Variants in ARHGEF37 observed in about 807,000 individuals in gnomAD.
The protein encoded by ARHGEF37 is Rho guanine nucleotide exchange factor (GEF) 37.
A neutral mutation model predicts 71.1 loss-of-function variants in ARHGEF37; 55 were observed. That is an observed-to-expected ratio of 0.77 (90% confidence interval 0.62 to 0.97). The LOEUF (loss-of-function observed/expected upper bound fraction) is 0.97. Among genes scored for constraint, ARHGEF37 ranks in the 50% least tolerant of loss-of-function variants. The pLI is 0.00. For synonymous variants in ARHGEF37, 327 were observed against 350.6 expected, an observed-to-expected ratio of 0.93 and a Z score of 0.75; for missense variants, 765 against 836.8, an observed-to-expected ratio of 0.91 and a Z score of 1.06.
chr5:149,597,887 G>A lies in ARHGEF37; in HGVS notation c.118G>A (p.Asp40Asn), dbSNP rs1028802930. The A allele has an allele frequency of 8.1e-6, 13 of 1,609,218 alleles. No homozygotes were observed. Among genetic ancestry groups the A allele is most frequent in the African/African-American group, 4.0e-5 (3 of 74,684 alleles). The change falls in exon 2 of 13, where the codon GAC becomes AAC. Residue 40 changes from aspartate (D) to asparagine (N), a missense_variant. Physicochemically the swap from Asp to Asn is conservative, Grantham distance 23 (BLOSUM62 1). Transcript: ENST00000333677. ...HQRLAVRELI[D>N]TEVSYLHMLQ... ...GAGGCTGGCTGTCCGGGAGCTCATC[G>A]ACACTGAGGTCTCCTACTTGCACAT...
chr5:149,614,474 A>G (rs527720670), intron 4 of ARHGEF37, among the ~76,000 whole-genome samples: 1 of 152,304 alleles, frequency 6.6e-6, no homozygotes, highest in African/African-American at 2.4e-5. Context: ...TGTAAATGTG[A>G]GCGGATGCCC....
At chr5:149,571,665 A>AAACCTAAC (rs1330866879) in intron 1 of ARHGEF37, among the ~76,000 whole-genome samples, 1 of 152,186 alleles carries the variant, frequency 6.6e-6, no homozygotes, top group Non-Finnish European at 1.5e-5. Context: ...GCATGCCTGT[A>AAACCTAAC]AACCTAACAC....
intron 1 of ARHGEF37, among the ~76,000 whole-genome samples, chr5:149,570,861 G>A (rs1454703801): frequency 6.6e-6 from 1 of 151,048 alleles, no homozygotes; most frequent in Non-Finnish European, 1.5e-5. Flanking sequence ...GGGTGACAGA[G>A]CAAGACTCCA....
Position 149,616,560 on chromosome 5 carries a change from C to A in ARHGEF37, c.459-7C>A. ...TTTACCTGCCTAATACCAGCCTTCT[C>A]CCTCAGGCCGCAAGCTGGATCTTCA... On this transcript the variant is annotated splice_region_variant and splice_polypyrimidine_tract_variant and intron_variant, in intron 4 of 12. Coordinates refer to ENST00000333677, the MANE Select transcript of ARHGEF37 (RefSeq NM_001001669.3). 1 of 1,601,670 alleles carries A rather than the reference C, an allele frequency of 6.2e-7. No individual in the cohort carries two copies. Among genetic ancestry groups the A allele is most frequent in the South Asian group, 1.1e-5 (1 of 89,406 alleles).
At chr5:149,573,978 T>G (rs888089657) in intron 1 of ARHGEF37, among the ~76,000 whole-genome samples, 5 of 152,336 alleles carry the variant, frequency 3.3e-5, no homozygotes, top group African/African-American at 9.6e-5. Flanking sequence ...TGGATGTTTT[T>G]TAAGTCACAA....
chr5:149,616,570 G>A lies in ARHGEF37; in HGVS notation c.462G>A (p.Pro154=), dbSNP rs577680335. The change falls in exon 5 of 13, where the codon CCG becomes CCA. Residue 154 remains proline, a synonymous_variant. Transcript: ENST00000333677. ...HIQGIVEAVV[P]QAGSSGLSFL... ...TAATACCAGCCTTCTCCCTCAGGCC[G>A]CAAGCTGGATCTTCAGGCCTCAGTT... 51 of 1,605,188 alleles carry A rather than the reference G, an allele frequency of 3.2e-5. No homozygotes were observed. The highest frequency in any genetic ancestry group is 8.9e-5 in the South Asian group (8 of 90,204).
At chr5:149,619,196 C>G (rs1752465056) in intron 7 of ARHGEF37, among the ~76,000 whole-genome samples, 154 bp downstream of exon 7, 1 of 152,180 alleles carries the variant, frequency 6.6e-6, no homozygotes, top group South Asian at 2.1e-4. Flanking sequence ...AGAATGCTGG[C>G]CAGCACTCCT....
chr5:149,559,053 T>C (rs1762793395), intron 1 of ARHGEF37, among the ~76,000 whole-genome samples: 2 of 152,150 alleles, frequency 1.3e-5, no homozygotes, highest in Admixed American at 6.5e-5. Flanking sequence ...CCAGGCACAG[T>C]GGCTCACGCC....
chr5:149,581,155 C>A (rs529514605), upstream of ARHGEF37, among the ~76,000 whole-genome samples: 2 of 152,274 alleles, frequency 1.3e-5, no homozygotes, highest in African/African-American at 2.4e-5. Flanking sequence ...GTGATTCGGG[C>A]AGGAGCAAAG....
intron 1 of ARHGEF37, among the ~76,000 whole-genome samples, chr5:149,562,857 C>A (rs1335728119): frequency 6.6e-6 from 1 of 152,208 alleles, no homozygotes; most frequent in East Asian, 1.9e-4. Context: ...TCTGCCTGTT[C>A]TAGATCTGAA....
chr5:149,580,739 C>A (rs1054051231), upstream of ARHGEF37, among the ~76,000 whole-genome samples: 7 of 152,118 alleles, frequency 4.6e-5, no homozygotes, highest in African/African-American at 1.4e-4. Context: ...AAATAATAAG[C>A]CCTAAATTAA....
intron 1 of ARHGEF37, among the ~76,000 whole-genome samples, chr5:149,562,533 C>T (rs890565939): frequency 6.6e-6 from 1 of 152,144 alleles, no homozygotes; most frequent in South Asian, 2.1e-4. Flanking sequence ...ACTGCAAGCT[C>T]CCGGGTTCAC....
chr5:149,631,904 G>T, intron 12 of ARHGEF37, 78 bp from the exon 13 acceptor site: 1 of 1,480,998 alleles, frequency 6.8e-7, no homozygotes, highest in East Asian at 2.3e-5. Context: ...GATGGGAACA[G>T]GATAAACAGC....
intron 7 of ARHGEF37, among the ~76,000 whole-genome samples, chr5:149,620,102 C>A (rs1467460580): frequency 6.6e-6 from 1 of 151,294 alleles, no homozygotes; most frequent in Admixed American, 6.6e-5. Context: ...AAGAAAAAAA[C>A]CCCACAAAGG....
chr5:149,584,873 T>C (rs187995030), intron 1 of ARHGEF37, among the ~76,000 whole-genome samples: 1 of 152,104 alleles, frequency 6.6e-6, no homozygotes, highest in Non-Finnish European at 1.5e-5. Context: ...CTGCCTGCCT[T>C]GGCCTCCCAA....
chr5:149,595,960 T>C (rs1228100838), intron 1 of ARHGEF37, among the ~76,000 whole-genome samples: 2 of 149,162 alleles, frequency 1.3e-5, no homozygotes, highest in African/African-American at 2.5e-5. Flanking sequence ...TTTTTTTTTT[T>C]CCTGATCCAC....
At chr5:149,623,890 G>T in intron 9 of ARHGEF37, 122 bp from the exon 10 acceptor site, 1 of 1,321,892 alleles carries the variant, frequency 7.6e-7, no homozygotes, top group South Asian at 1.7e-5. Context: ...ACAGGGTCAA[G>T]GTCTCAGGAC....
At chr5:149,598,656 C>T (rs1274996306) in intron 2 of ARHGEF37, among the ~76,000 whole-genome samples, 1 of 150,954 alleles carries the variant, frequency 6.6e-6, no homozygotes, top group Non-Finnish European at 1.5e-5. Context: ...TTGACTACAA[C>T]CTCTTTGGGT....
chr5:149,627,099 C>T lies in ARHGEF37; in HGVS notation c.1488C>T (p.Arg496=). ...AGCCGCTCCTTCCAGGGTCTGAACG[C>T]CAGGTGCAGGCTCTCCTGAGCAGGT... is the stretch of plus-strand genomic sequence containing the variant. ...TTQPLLPGSE[R]QVQALLSRYG... The change falls in exon 11 of 13, where the codon CGC becomes CGT. Residue 496 remains arginine (R), a synonymous_variant. Coordinates refer to ENST00000333677, the MANE Select transcript of ARHGEF37 (RefSeq NM_001001669.3). The T allele has an allele frequency of 6.2e-7, 1 of 1,613,612 alleles. No individual in the cohort carries two copies. The highest frequency in any genetic ancestry group is 8.5e-7 in the Non-Finnish European group (1 of 1,179,710).
Sources: allele counts gnomAD v4.1 joint callset (sites outside exome capture counted in the v4.1 genomes callset), GRCh38; gene constraint gnomAD v4.1.1; transcripts MANE v1.5; gene names NCBI Gene and HGNC (gene_info 2026-07-23, HGNC 2026-07-21).